PCDH7: variants seen among roughly 807,000 people sequenced by gnomAD.
The protein encoded by PCDH7 is protocadherin-7.
In PCDH7, 17 loss-of-function variants were observed where a neutral mutation model predicts 58.9. That is an observed-to-expected ratio of 0.29 (90% CI 0.20 to 0.43). The LOEUF is 0.43. PCDH7 is among the 20% of genes least tolerant of loss of function. PCDH7 has a pLI of 1.00. For missense variants in PCDH7, 1,274 were observed against 1,441.0 expected (o/e 0.88, Z 1.88); for synonymous variants, 664 against 616.4 (o/e 1.08, Z -1.14).
At chr4:31,010,474 G>C (rs190501249) in intron 3 of PCDH7, among the ~76,000 whole-genome samples, 1 of 151,874 alleles carries the variant, frequency 6.6e-6, no homozygotes, top group Non-Finnish European at 1.5e-5. Context: ...ATTGGAAAAG[G>C]TAAGATTATA....
At position 31,056,050 on chromosome 4, in the gene PCDH7, A is replaced by G. The variant is rs372524154; in HGVS notation, c.*8-86423A>G. On this transcript the variant is annotated intron_variant, in intron 3 of 3. Transcript: ENST00000509759. ...TAGTAATGTTTTCCCTTTAAGACTA[A>G]GAATGTATCCCAGAAGTGGACTTAG... 4.7e-4 allele frequency among the ~76,000 whole-genome samples: 71 copies of G among 152,234 alleles called. 1 individual carries two copies. In the South Asian group the frequency reaches 0.014, roughly 30 times the overall value.
At chr4:30,933,441 G>A (rs1338729161) in intron 2 of PCDH7, among the ~76,000 whole-genome samples, 1 of 152,106 alleles carries the variant, frequency 6.6e-6, no homozygotes. Context: ...TTCTTTCAGT[G>A]TCCGCTACTA....
intron 1 of PCDH7, among the ~76,000 whole-genome samples, chr4:30,885,511 C>T (rs551749309): frequency 2.3e-4 from 35 of 152,052 alleles, no homozygotes; most frequent in Non-Finnish European, 4.3e-4. Flanking sequence ...TTTCTTCTCA[C>T]GATACTGTCT....
At chr4:30,889,146 A>AAAAAAAAAAAAAAAAAAAAAAAAAAC (rs1560471067) in intron 1 of PCDH7, among the ~76,000 whole-genome samples, 1 of 151,100 alleles carries the variant, frequency 6.6e-6, no homozygotes, top group Non-Finnish European at 1.5e-5. Flanking sequence ...TCAAAAAAAA[A>AAAAAAAAAAAAAAAAAAAAAAAAAAC]AAAAAAAAAA....
intron 2 of PCDH7, among the ~76,000 whole-genome samples, chr4:30,924,461 A>C (rs1340416683): frequency 7.2e-5 from 11 of 152,304 alleles, no homozygotes; most frequent in Admixed American, 7.2e-4. Flanking sequence ...TGAATTTGAC[A>C]ATGTATGTTA....
intron 1 of PCDH7, among the ~76,000 whole-genome samples, chr4:30,912,712 C>T (rs1347027385): frequency 6.6e-6 from 1 of 152,144 alleles, no homozygotes; most frequent in African/African-American, 2.4e-5. Flanking sequence ...GAGGTTCTTT[C>T]CAATAGATGG....
chr4:30,979,242 C>T (rs902712158), intron 3 of PCDH7, among the ~76,000 whole-genome samples: 1 of 149,762 alleles, frequency 6.7e-6, no homozygotes, highest in African/African-American at 2.5e-5. Flanking sequence ...AGGAGAATGG[C>T]GTGAACCCAG....
chr4:31,058,650 A>G (rs192626012), intron 3 of PCDH7, among the ~76,000 whole-genome samples: 4 of 152,036 alleles, frequency 2.6e-5, no homozygotes, highest in African/African-American at 9.7e-5. Flanking sequence ...AGACCTTCTT[A>G]TAATGTAGGT....
intron 1 of PCDH7, among the ~76,000 whole-genome samples, chr4:30,818,758 G>A (rs1442108522): frequency 6.6e-6 from 1 of 152,018 alleles, no homozygotes; most frequent in African/African-American, 2.4e-5. Flanking sequence ...TAATAAATAA[G>A]CATGACAATA....
At chr4:30,936,284 G>A (rs2109431305) in intron 2 of PCDH7, among the ~76,000 whole-genome samples, 1 of 151,994 alleles carries the variant, frequency 6.6e-6, no homozygotes, top group South Asian at 2.1e-4. Flanking sequence ...AAGAAGATAT[G>A]GAAAGTTGTA....
At chr4:31,028,791 C>T (rs140548560) in intron 3 of PCDH7, among the ~76,000 whole-genome samples, 165 of 152,168 alleles carry the variant, frequency 1.1e-3, no homozygotes, top group African/African-American at 3.8e-3. Flanking sequence ...GAAAAACATG[C>T]TAATCTTCCA....
At chr4:30,945,115 A>G (rs1019058269) in intron 2 of PCDH7, among the ~76,000 whole-genome samples, 4 of 152,128 alleles carry the variant, frequency 2.6e-5, no homozygotes, top group Non-Finnish European at 4.4e-5. Flanking sequence ...TTTAAAAAGA[A>G]GCATGTCATA....
At chr4:31,044,587 A>G (rs1756137099) in intron 3 of PCDH7, among the ~76,000 whole-genome samples, 1 of 151,994 alleles carries the variant, frequency 6.6e-6, no homozygotes, top group Non-Finnish European at 1.5e-5. Context: ...AGATTTTTAA[A>G]ATATAATAAT....
At chr4:30,828,874 G>T (rs931417380) in intron 1 of PCDH7, among the ~76,000 whole-genome samples, 1 of 151,862 alleles carries the variant, frequency 6.6e-6, no homozygotes. Flanking sequence ...GATTTTAATA[G>T]TGACAGTTAA....
intron 3 of PCDH7, among the ~76,000 whole-genome samples, chr4:31,009,783 G>T (rs1055824258): frequency 1.3e-5 from 2 of 151,766 alleles, no homozygotes; most frequent in Admixed American, 1.3e-4. Flanking sequence ...CCTTTAGTTG[G>T]GCCCAAAGCA....
chr4:30,939,626 A>G (rs1216949059), intron 2 of PCDH7, among the ~76,000 whole-genome samples: 2 of 152,278 alleles, frequency 1.3e-5, no homozygotes, highest in Non-Finnish European at 1.5e-5. Context: ...TGAAAGTTAT[A>G]TATCTGATGA....
chr4:30,935,177 C>T (rs1363646827), intron 2 of PCDH7: 2 of 163,308 alleles, frequency 1.2e-5, no homozygotes, highest in Admixed American at 1.3e-4. Flanking sequence ...TGAAGTATTA[C>T]TTTACTATAT....
At chr4:30,796,325 T>G (rs1724766978) in intron 1 of PCDH7, among the ~76,000 whole-genome samples, 1 of 152,308 alleles carries the variant, frequency 6.6e-6, no homozygotes, top group South Asian at 2.1e-4. Flanking sequence ...TATTTACTGT[T>G]TAGTCTGAAT....
chr4:30,841,789 C>T (rs146245567), intron 1 of PCDH7, among the ~76,000 whole-genome samples: 6 of 152,032 alleles, frequency 3.9e-5, no homozygotes, highest in Non-Finnish European at 8.8e-5. Flanking sequence ...TTATAATTTC[C>T]AGTGCATCTT....
Sources: allele counts gnomAD v4.1 joint callset (sites outside exome capture counted in the v4.1 genomes callset), GRCh38; gene constraint gnomAD v4.1.1; transcripts MANE v1.5; gene names NCBI Gene and HGNC (gene_info 2026-07-23, HGNC 2026-07-21).